Variants in CREB5 observed in about 807,000 individuals in gnomAD.
CREB5 encodes cyclic AMP-responsive element-binding protein 5.
Under a neutral mutation model 57.1 loss-of-function variants are expected in CREB5, and 19 were observed. That is an observed-to-expected ratio of 0.33 (90% CI 0.23 to 0.49). The LOEUF is 0.49. Ranked by LOEUF, CREB5 falls within the 20% of genes least tolerant of loss-of-function variation. The pLI, the probability that CREB5 is intolerant of heterozygous loss-of-function variation, is 0.99. For synonymous variants in CREB5, 238 were observed against 238.3 expected, an observed-to-expected ratio of 1.00 and a Z score of 0.01; for missense variants, 579 against 671.6, an observed-to-expected ratio of 0.86 and a Z score of 1.52.
intron 5 of CREB5, among the ~76,000 whole-genome samples, chr7:28,691,801 T>A (rs889235876): frequency 6.6e-6 from 1 of 152,050 alleles, no homozygotes; most frequent in South Asian, 2.1e-4. Context: ...CAGAAATTAG[T>A]GTAGACTGAG....
intron 7 of CREB5, among the ~76,000 whole-genome samples, chr7:28,791,946 A>G (rs935382093): frequency 3.3e-5 from 5 of 152,150 alleles, no homozygotes; most frequent in African/African-American, 1.2e-4. Context: ...TGTACACCAT[A>G]AAGACAATAG....
At chr7:28,644,151 A>AAAAG (rs976708987) in intron 5 of CREB5, among the ~76,000 whole-genome samples, 3 of 151,894 alleles carry the variant, frequency 2.0e-5, no homozygotes, top group East Asian at 1.9e-4. Flanking sequence ...AAAGAAAAGA[A>AAAAG]AAAGAAAGAA....
At chr7:28,652,441 C>A (rs1799170566) in intron 5 of CREB5, among the ~76,000 whole-genome samples, 1 of 152,084 alleles carries the variant, frequency 6.6e-6, no homozygotes, top group South Asian at 2.1e-4. Flanking sequence ...TTATAGAAAG[C>A]CAGCATAGAT....
intron 7 of CREB5, among the ~76,000 whole-genome samples, chr7:28,737,024 G>C (rs1427967257): frequency 1.3e-5 from 2 of 151,968 alleles, no homozygotes; most frequent in Non-Finnish European, 2.9e-5. Context: ...CAGACCTGTG[G>C]AGCAAATGCA....
intron 5 of CREB5, among the ~76,000 whole-genome samples, chr7:28,659,594 A>G (rs1182874922): frequency 6.6e-6 from 1 of 152,206 alleles, no homozygotes; most frequent in Non-Finnish European, 1.5e-5. Flanking sequence ...CTTTGTGACA[A>G]CATATTTTAC....
chr7:28,617,892 C>T (rs573838414), intron 5 of CREB5, among the ~76,000 whole-genome samples: 17 of 152,256 alleles, frequency 1.1e-4, no homozygotes, highest in African/African-American at 4.1e-4. Flanking sequence ...GTATAGGTGT[C>T]ATAGTGGTGT....
intron 5 of CREB5, among the ~76,000 whole-genome samples, chr7:28,579,539 C>T (rs775758744): frequency 2.6e-5 from 4 of 152,160 alleles, no homozygotes; most frequent in African/African-American, 9.7e-5. Context: ...TGGGTAGCGA[C>T]ATGATGGAAT....
At chr7:28,321,221 T>C (rs781046829) in intron 1 of CREB5, among the ~76,000 whole-genome samples, 59 of 151,494 alleles carry the variant, frequency 3.9e-4, no homozygotes, top group Admixed American at 1.1e-3. Flanking sequence ...CTTCATCCTC[T>C]TTTTTTTTGT....
chr7:28,543,650 A>G (rs1267902460), intron 4 of CREB5, among the ~76,000 whole-genome samples: 2 of 151,642 alleles, frequency 1.3e-5, no homozygotes, highest in Non-Finnish European at 2.9e-5. Context: ...TGAATGAGCC[A>G]GATCTTATCA....
intron 5 of CREB5, among the ~76,000 whole-genome samples, chr7:28,580,738 G>C (rs1335390387): frequency 5.3e-5 from 8 of 152,066 alleles, no homozygotes; most frequent in Non-Finnish European, 1.5e-5. Context: ...TTGCTTGGTT[G>C]AGTTGGCAGT....
At position 28,560,869 on chromosome 7, in the gene CREB5, C is replaced by CGCATGCGTGCGT. The variant is rs1369015394; in HGVS notation, c.292-9495_292-9494insCATGCGTGCGTG. Among the ~76,000 whole-genome samples, 181 of 28,592 alleles carry CGCATGCGTGCGT rather than the reference C, an allele frequency of 6.3e-3. 30 individuals carry two copies. Among genetic ancestry groups the CGCATGCGTGCGT allele is most frequent in the African/African-American group, 0.027 (174 of 6,454 alleles). The allele number at this position is 28,592 out of a possible 152,430, so 18.8% of individuals were successfully genotyped here. A position where few individuals can be genotyped will look rare whatever the true frequency, so the allele number is the denominator to read the frequency against. Reference sequence around the variant, plus strand: ...GCGCGTGTGTGTGTGCGTGTGCCTGCGTGCGCGTGCGTGCGTGCGTGTGTG... The same window carrying CGCATGCGTGCGT: ...GCGCGTGTGTGTGTGCGTGTGCCTGCGCATGCGTGCGTGTGCGCGTGCGTGCGTGCGTGTGTG... On this transcript the variant is annotated intron_variant, in intron 4 of 10. Coordinates refer to ENST00000357727, the MANE Select transcript of CREB5 (RefSeq NM_182898.4).
At chr7:28,815,453 T>C (rs929137672) in intron 9 of CREB5, among the ~76,000 whole-genome samples, 1 of 152,240 alleles carries the variant, frequency 6.6e-6, no homozygotes, top group African/African-American at 2.4e-5. Context: ...GTTCATAGAC[T>C]AAATGCCACC....
chr7:28,704,402 T>C (rs911498233), intron 5 of CREB5, among the ~76,000 whole-genome samples: 2 of 152,182 alleles, frequency 1.3e-5, no homozygotes, highest in African/African-American at 4.8e-5. Context: ...CTCATCTATA[T>C]GTGTCCACCT....
intron 7 of CREB5, among the ~76,000 whole-genome samples, chr7:28,747,750 C>T (rs192281070): frequency 6.6e-6 from 1 of 152,204 alleles, no homozygotes; most frequent in Non-Finnish European, 1.5e-5. Context: ...GATGGCAAAG[C>T]GTATCCTGAC....
intron 1 of CREB5, among the ~76,000 whole-genome samples, chr7:28,444,607 T>C (rs980307500): frequency 6.6e-6 from 1 of 152,052 alleles, no homozygotes; most frequent in Non-Finnish European, 1.5e-5. Context: ...TTTTAAAAAA[T>C]AGGAAGAAAA....
chr7:28,400,534 G>T (rs1787438306), intron 1 of CREB5, among the ~76,000 whole-genome samples: 1 of 152,176 alleles, frequency 6.6e-6, no homozygotes, highest in East Asian at 1.9e-4. Context: ...TCAAGTAAGG[G>T]CATTGTTATG....
intron 5 of CREB5, among the ~76,000 whole-genome samples, chr7:28,586,176 G>T (rs1054430677): frequency 1.3e-5 from 2 of 152,178 alleles, no homozygotes; most frequent in Non-Finnish European, 2.9e-5. Flanking sequence ...AAAAGCCCAT[G>T]CTCCTTGTGG....
intron 7 of CREB5, among the ~76,000 whole-genome samples, chr7:28,784,864 G>A (rs1247073953): frequency 6.6e-6 from 1 of 152,176 alleles, no homozygotes; most frequent in Non-Finnish European, 1.5e-5. Flanking sequence ...GGGAATCGAA[G>A]CGGCTGCTTG....
chr7:28,332,534 C>T (rs1373007535), intron 1 of CREB5, among the ~76,000 whole-genome samples: 3 of 152,176 alleles, frequency 2.0e-5, no homozygotes, highest in Non-Finnish European at 4.4e-5. Flanking sequence ...TCCCCTGCTA[C>T]ATACACTTGG....
Sources: allele counts gnomAD v4.1 joint callset (sites outside exome capture counted in the v4.1 genomes callset), GRCh38; gene constraint gnomAD v4.1.1; transcripts MANE v1.5; gene names NCBI Gene and HGNC (gene_info 2026-07-23, HGNC 2026-07-21).